EGFL6: variants seen among roughly 807,000 people sequenced by gnomAD.
EGFL6 encodes EGF like domain multiple 6.
EGFL6 carries 42 observed loss-of-function variants against 43.1 expected under a neutral mutation model. That is an observed-to-expected ratio of 0.98 (90% CI 0.76 to 1.26). The LOEUF is 1.26. EGFL6 is among the 50% of genes most tolerant of loss of function. The probability of loss-of-function intolerance (pLI) is 0.00; values close to 1 mark genes in which losing one functional copy is unlikely to be tolerated. For synonymous variants in EGFL6, 164 were observed against 163.2 expected, an observed-to-expected ratio of 1.01 and a Z score of -0.04; for missense variants, 429 against 427.8, an observed-to-expected ratio of 1.00 and a Z score of -0.02.
chrX:13,609,750 T>A (rs2045679526), intron 7 of EGFL6, among the ~76,000 whole-genome samples: 1 of 110,765 alleles, frequency 9.0e-6, no homozygotes, highest in African/African-American at 3.3e-5. Context: ...TAAGACTCCA[T>A]CTCAAAAAAT....
chrX:13,598,544 G>A (rs887887617), intron 3 of EGFL6, among the ~76,000 whole-genome samples: 2 of 98,292 alleles, frequency 2.0e-5, no homozygotes, highest in African/African-American at 3.6e-5. Flanking sequence ...TAATAAAAAT[G>A]TTACTTATTC....
At chrX:13,606,358 C>T (rs1330461955) in intron 5 of EGFL6, 21 bp from the exon 6 acceptor site, 5 of 1,204,641 alleles carry the variant, frequency 4.2e-6, no homozygotes, top group East Asian at 3.0e-5. Context: ...TCACTGACAC[C>T]TTCTGGTTTT....
rs1375820951 is a variant in EGFL6, at chrX:13,626,928, C to A, written c.1286-83C>A. On this transcript the variant is annotated intron_variant, in intron 10 of 11. Coordinates refer to ENST00000361306, the MANE Select transcript of EGFL6 (RefSeq NM_015507.4). ...TTTCCCTATAGGAGACTATTGTTTA[C>A]TTTTTATAGCTTTTTTTATACATTA... 1.3e-5 allele frequency: 14 copies of A among 1,050,760 alleles called. 1 individual carries two copies. The highest frequency in any genetic ancestry group is 1.7e-5 in the Non-Finnish European group (13 of 776,121). The allele number at this position is 1,050,760 out of a possible 1,213,427, so 86.6% of individuals were successfully genotyped here.
At chrX:13,585,516 C>T (rs2045528879) in intron 1 of EGFL6, among the ~76,000 whole-genome samples, 2 of 111,071 alleles carry the variant, frequency 1.8e-5, no homozygotes, top group Non-Finnish European at 3.8e-5. Context: ...TCCTCAGCAC[C>T]TAGCACTATA....
chrX:13,623,958 T>C, intron 10 of EGFL6, 33 bp downstream of exon 10: 1 of 1,057,434 alleles, frequency 9.5e-7, no homozygotes, highest in Non-Finnish European at 1.3e-6. Context: ...TGTTCTGCAA[T>C]ATGGTGAAGG....
chrX:13,607,437 G>C (rs1385428007), intron 6 of EGFL6, among the ~76,000 whole-genome samples: 4 of 111,924 alleles, frequency 3.6e-5, no homozygotes, highest in South Asian at 3.8e-4. Flanking sequence ...GAACCATCTT[G>C]TGAAGCCTCT....
In EGFL6 at chrX:13,623,856, C is replaced by A; in HGVS notation, c.1216C>A (p.His406Asn). The change falls in exon 10 of 12, where the codon CAT becomes AAT. Residue 406 changes from histidine (H) to asparagine (N), a missense_variant. Physicochemically the swap from His to Asn is moderately conservative, Grantham distance 68 (BLOSUM62 1). Transcript: ENST00000361306. ...LNISVDCSFN[H>N]GICDWKQDRE... Reference sequence around the variant, plus strand: ...TATCTCGGTTGACTGCAGCTTCAATCATGGGATCTGTGACTGGAAACAGGA... The same window carrying A: ...TATCTCGGTTGACTGCAGCTTCAATAATGGGATCTGTGACTGGAAACAGGA... 8.3e-7 allele frequency: 1 copy of A among 1,209,356 alleles called. No homozygotes were observed.
chrX:13,618,052 T>C lies in EGFL6; in HGVS notation c.1101T>C (p.Phe367=). ...IEERSLRGDV[F]FPKVNEAGEF... is the part of the protein sequence containing the mutation. ...AGCGAAGCCTGCGAGGAGATGTGTT[T>C]TGTGAGTGTTATTTTTATTTTATAT... Residue 367 remains phenylalanine, a splice_region_variant and synonymous_variant, in exon 8 of 12, where the codon TTT becomes TTC. Coordinates refer to ENST00000361306, the MANE Select transcript of EGFL6 (RefSeq NM_015507.4). 1 of 1,170,638 alleles carries C rather than the reference T, an allele frequency of 8.5e-7. No individual in the cohort carries two copies. Among genetic ancestry groups the C allele is most frequent in the African/African-American group, 1.8e-5 (1 of 55,839 alleles).
At chrX:13,592,188 A>G (rs749806242) in intron 2 of EGFL6, among the ~76,000 whole-genome samples, 124 of 106,929 alleles carry the variant, frequency 1.2e-3, no homozygotes, top group African/African-American at 4.1e-3. Flanking sequence ...ATCAGTTTCC[A>G]GGGAACAACT....
chrX:13,569,820 C>G lies in EGFL6; in HGVS notation c.-42C>G. On this transcript the variant is annotated 5_prime_UTR_variant, in exon 1 of 12. Coordinates refer to ENST00000361306, the MANE Select transcript of EGFL6 (RefSeq NM_015507.4). ...TGCTACGGGGTCCGGCCGGCGCCCT[C>G]CCGAGGGGGGCTCAGGAGGAGGAAG... The G allele has an allele frequency of 2.5e-6, 3 of 1,201,099 alleles. No homozygotes were observed. Among genetic ancestry groups the G allele is most frequent in the Non-Finnish European group, 3.4e-6 (3 of 886,565 alleles).
intron 10 of EGFL6, among the ~76,000 whole-genome samples, chrX:13,625,942 A>C (rs1035492515): frequency 9.2e-6 from 1 of 109,137 alleles, no homozygotes; most frequent in Admixed American, 9.8e-5. Context: ...ATGAGTTAGC[A>C]TTATTAAAGG....
At chrX:13,579,247 C>T (rs5979911) in intron 1 of EGFL6, among the ~76,000 whole-genome samples, 5,005 of 110,803 alleles carry the variant, frequency 0.045, 258 homozygotes, top group African/African-American at 0.15. Flanking sequence ...TCCCTCCTCC[C>T]ACCCTCCACT....
chrX:13,597,749 A>G (rs1279254151), intron 3 of EGFL6, among the ~76,000 whole-genome samples: 1 of 110,746 alleles, frequency 9.0e-6, no homozygotes, highest in African/African-American at 3.3e-5. Context: ...GCGCCACTGC[A>G]CTGCAGCCTG....
intron 7 of EGFL6, 128 bp downstream of exon 7, chrX:13,608,574 T>C (rs1602652323): frequency 1.3e-6 from 1 of 789,717 alleles, no homozygotes; most frequent in East Asian, 3.4e-5. Context: ...ACTCTCACTC[T>C]GTGTGTGTGT....
intron 9 of EGFL6, 40 bp from the exon 10 acceptor site, chrX:13,623,784 G>A (rs376844477): frequency 2.7e-6 from 3 of 1,091,280 alleles, no homozygotes; most frequent in Non-Finnish European, 3.8e-6. Context: ...CCTTCCTAAT[G>A]CTTTTAGGGG....
chrX:13,619,580 T>G (rs191403051), intron 9 of EGFL6, among the ~76,000 whole-genome samples: 180 of 112,279 alleles, frequency 1.6e-3, no homozygotes, highest in African/African-American at 5.4e-3. Flanking sequence ...CTGAAAGTCC[T>G]CATGTACTAA....
rs750400045 is a variant in EGFL6, at chrX:13,569,828, G to A, written c.-34G>A. ...GGTCCGGCCGGCGCCCTCCCGAGGG[G>A]GGCTCAGGAGGAGGAAGGAGGACCC... On this transcript the variant is annotated 5_prime_UTR_variant, in exon 1 of 12. Transcript: ENST00000361306. The A allele has an allele frequency of 8.3e-7, 1 of 1,197,805 alleles. No individual in the cohort carries two copies. Among genetic ancestry groups the A allele is most frequent in the Non-Finnish European group, 1.1e-6 (1 of 883,912 alleles).
chrX:13,571,110 C>CCCA (rs1247073776), intron 1 of EGFL6, among the ~76,000 whole-genome samples: 23 of 88,064 alleles, frequency 2.6e-4, no homozygotes, highest in Middle Eastern at 0.011. Context: ...CACCCCACCC[C>CCCA]CCACCACCAC....
chrX:13,576,679 G>A (rs1028714024), intron 1 of EGFL6, among the ~76,000 whole-genome samples: 7 of 111,664 alleles, frequency 6.3e-5, no homozygotes, highest in Non-Finnish European at 1.3e-4. Flanking sequence ...AGAAGGAAGG[G>A]GAGAACAGAG....
Sources: allele counts gnomAD v4.1 joint callset (sites outside exome capture counted in the v4.1 genomes callset), GRCh38; gene constraint gnomAD v4.1.1; transcripts MANE v1.5; gene names NCBI Gene and HGNC (gene_info 2026-07-23, HGNC 2026-07-21).